The following ETV6 variants were observed in gnomAD, a reference collection of about 807,000 sequenced individuals.
ETV6 encodes the protein ETS variant transcription factor 6, also known as transcription factor ETV6.
ETV6 carries 16 observed loss-of-function variants against 51.1 expected under a neutral mutation model. That is an observed-to-expected ratio of 0.31 (90% confidence interval 0.21 to 0.48). ETV6 has a LOEUF of 0.48. Among genes scored for constraint, ETV6 ranks in the 20% least tolerant of loss-of-function variants. The pLI, the probability that ETV6 is intolerant of heterozygous loss-of-function variation, is 0.99. For synonymous variants in ETV6, 240 were observed against 224.1 expected (o/e 1.07, Z -0.64); for missense variants, 458 against 594.8 (o/e 0.77, Z 2.39).
chr12:11,728,467 A>G (rs960716201), intron 1 of ETV6, among the ~76,000 whole-genome samples: 1 of 137,058 alleles, frequency 7.3e-6, no homozygotes, highest in African/African-American at 2.5e-5. Flanking sequence ...CCTGTTGTGA[A>G]TGACACATGT....
At chr12:11,836,119 C>A (rs550244671) in intron 2 of ETV6, among the ~76,000 whole-genome samples, 13 of 152,308 alleles carry the variant, frequency 8.5e-5, no homozygotes, top group African/African-American at 3.1e-4. Context: ...AAGGCTCTAT[C>A]CCATTTAGAC....
intron 1 of ETV6, among the ~76,000 whole-genome samples, chr12:11,749,795 G>A (rs1300417333): frequency 6.6e-6 from 1 of 152,190 alleles, no homozygotes; most frequent in Non-Finnish European, 1.5e-5. Context: ...GTCCCCAAGT[G>A]CTCTGCAGCC....
chr12:11,757,113 C>T lies in ETV6; in HGVS notation c.163+4534C>T, dbSNP rs146079020. On this transcript the variant is annotated intron_variant, in intron 2 of 7. Transcript: ENST00000396373. Reference sequence around the variant, plus strand: ...ATAAATAGCCATAATAGCCGCTCGGCGTTTTCTGGAGTCAGAACACCAGAA... The same window carrying T: ...ATAAATAGCCATAATAGCCGCTCGGTGTTTTCTGGAGTCAGAACACCAGAA... Among the ~76,000 whole-genome samples, 1,409 of 152,244 alleles carry T rather than the reference C, an allele frequency of 9.3e-3. 11 individuals are homozygous for T. The highest frequency in any genetic ancestry group is 0.034 in the Middle Eastern group (10 of 294).
intron 1 of ETV6, among the ~76,000 whole-genome samples, chr12:11,735,663 C>T (rs907345022): frequency 1.3e-5 from 2 of 152,166 alleles, no homozygotes; most frequent in Non-Finnish European, 2.9e-5. Context: ...TGCAATGGCA[C>T]AATCTCGGCT....
chr12:11,731,519 T>C (rs1462380813), intron 1 of ETV6, among the ~76,000 whole-genome samples: 2 of 152,214 alleles, frequency 1.3e-5, no homozygotes, highest in Admixed American at 6.5e-5. Context: ...CCCACTGTTA[T>C]TCTTAAGAAG....
At chr12:11,662,898 T>A (rs927733273) in intron 1 of ETV6, among the ~76,000 whole-genome samples, 1 of 152,140 alleles carries the variant, frequency 6.6e-6, no homozygotes, top group Non-Finnish European at 1.5e-5. Flanking sequence ...TCAAGTGGGG[T>A]CTGTGTGGAC....
chr12:11,825,417 G>T (rs186834183), intron 2 of ETV6, among the ~76,000 whole-genome samples: 2 of 152,188 alleles, frequency 1.3e-5, no homozygotes, highest in African/African-American at 4.8e-5. Context: ...ATTTCACCAC[G>T]TGGATAATAG....
intron 2 of ETV6, among the ~76,000 whole-genome samples, chr12:11,769,138 T>TA (rs1317646101): frequency 6.6e-6 from 1 of 152,216 alleles, no homozygotes; most frequent in African/African-American, 2.4e-5. Flanking sequence ...ATCTAAAACT[T>TA]ACATAGCTCT....
At chr12:11,736,443 C>T (rs1865704037) in intron 1 of ETV6, among the ~76,000 whole-genome samples, 1 of 152,074 alleles carries the variant, frequency 6.6e-6, no homozygotes, top group Non-Finnish European at 1.5e-5. Context: ...TCAAGTCTGT[C>T]CAGGTATACT....
At chr12:11,735,086 CTTTTTTTTTTTTT>C (rs58797937) in intron 1 of ETV6, among the ~76,000 whole-genome samples, 1 of 76,230 alleles carries the variant, frequency 1.3e-5, no homozygotes, top group Non-Finnish European at 2.2e-5. Flanking sequence ...GCAAGGTGGC[CTTTTTTTTTTTTT>C]TTTTTTTTTT....
intron 1 of ETV6, among the ~76,000 whole-genome samples, chr12:11,691,988 T>G (rs1864775513): frequency 6.6e-6 from 1 of 152,234 alleles, no homozygotes; most frequent in Non-Finnish European, 1.5e-5. Context: ...GCATGTAGAC[T>G]TCATAGGAGA....
chr12:11,799,115 A>G (rs1459658696), intron 2 of ETV6, among the ~76,000 whole-genome samples: 1 of 152,170 alleles, frequency 6.6e-6, no homozygotes, highest in Non-Finnish European at 1.5e-5. Flanking sequence ...CACAGCTGCA[A>G]TTAACTAAAG....
chr12:11,725,801 C>G (rs577684729), intron 1 of ETV6, among the ~76,000 whole-genome samples: 4 of 152,322 alleles, frequency 2.6e-5, no homozygotes, highest in Admixed American at 2.6e-4. Context: ...CTTGCTTCCT[C>G]TCTTGCCACG....
chr12:11,728,066 C>T (rs1052402562), intron 1 of ETV6, among the ~76,000 whole-genome samples: 12 of 152,118 alleles, frequency 7.9e-5, no homozygotes, highest in Admixed American at 3.3e-4. Context: ...GTGATCTGCC[C>T]GCCTCGGTCT....
In ETV6 at chr12:11,890,124, A is replaced by ATTTT. The variant is rs34570955; in HGVS notation, c.1254-801_1254-798dup. Among the ~76,000 whole-genome samples, 157 of 131,062 alleles carry ATTTT rather than the reference A, an allele frequency of 1.2e-3. 1 individual carries two copies. Among genetic ancestry groups the ATTTT allele is most frequent in the African/African-American group, 2.9e-3 (102 of 34,704 alleles). The allele number at this position is 131,062 out of a possible 152,430, so 86.0% of individuals were successfully genotyped here. A position where few individuals can be genotyped will look rare whatever the true frequency, so the allele number is the denominator to read the frequency against. On this transcript the variant is annotated intron_variant, in intron 7 of 7. Transcript: ENST00000396373. ...TGAATCAGTGATAACATTGTAAAAGATTTTTTTTTTTTTTTTTTTGCCCTT... is the reference window on the plus strand; with the variant it reads ...TGAATCAGTGATAACATTGTAAAAGATTTTTTTTTTTTTTTTTTTTTTTGCCCTT...
At chr12:11,827,776 A>C (rs777988595) in intron 2 of ETV6, among the ~76,000 whole-genome samples, 4 of 152,156 alleles carry the variant, frequency 2.6e-5, no homozygotes, top group Non-Finnish European at 5.9e-5. Context: ...CTCTGGTTAC[A>C]CTTTGCACAG....
At chr12:11,687,470 C>T (rs1662329318) in intron 1 of ETV6, among the ~76,000 whole-genome samples, 1 of 152,138 alleles carries the variant, frequency 6.6e-6, no homozygotes. Context: ...GCGTGACCCG[C>T]ACCCAGCGCC....
At chr12:11,881,252 C>T (rs1269580306) in intron 5 of ETV6, among the ~76,000 whole-genome samples, 2 of 152,220 alleles carry the variant, frequency 1.3e-5, no homozygotes, top group Non-Finnish European at 2.9e-5. Context: ...CCCTAATTTA[C>T]AGGCACTGTA....
intron 1 of ETV6, among the ~76,000 whole-genome samples, chr12:11,682,549 G>A (rs1192825408): frequency 6.6e-6 from 1 of 152,168 alleles, no homozygotes; most frequent in Admixed American, 6.5e-5. Context: ...CTTTTGCTGA[G>A]CAGAAGCTCT....
Sources: gnomAD v4.1 joint callset for allele counts (sites outside exome capture counted in the v4.1 genomes callset) on GRCh38, gnomAD v4.1.1 for gene constraint, MANE v1.5 for transcripts, NCBI Gene and HGNC (gene_info 2026-07-23, HGNC 2026-07-21) for gene names.